FANCI: variants seen among roughly 807,000 people sequenced by gnomAD.
FANCI encodes FA complementation group I.
A neutral mutation model predicts 176.1 loss-of-function variants in FANCI; 156 were observed. The ratio of observed to expected loss-of-function variants is 0.89; its 90% confidence interval spans 0.78 to 1.01. The LOEUF (loss-of-function observed/expected upper bound fraction) is 1.01. Among genes scored for constraint, FANCI ranks in the 50% least tolerant of loss-of-function variants. FANCI has a pLI of 0.00. For synonymous variants in FANCI, 613 were observed against 541.7 expected, an observed-to-expected ratio of 1.13 and a Z score of -1.83; for missense variants, 1,678 against 1,534.1, an observed-to-expected ratio of 1.09 and a Z score of -1.57.
Position 89,313,926 on chromosome 15 carries a change from C to CACACACACACACAT in FANCI, c.3721-686_3721-685insACACACACACACAT, listed in dbSNP as rs1364757336. The stretch of plus-strand genomic sequence containing the variant: ...ACACACACACACACACACACACACA[C>CACACACACACACAT]GTAGGACCTACAAATTACAATTCAC... On this transcript the variant is annotated intron_variant, in intron 35 of 37. Transcript: ENST00000310775. Among the ~76,000 whole-genome samples, 19 of 146,634 alleles carry CACACACACACACAT rather than the reference C, an allele frequency of 1.3e-4. No individual in the cohort carries two copies. The East Asian group carries it at 3.2e-3, about 25-fold the overall frequency.
At chr15:89,297,949 A>G (rs187853323) in intron 24 of FANCI, among the ~76,000 whole-genome samples, 11 of 152,104 alleles carry the variant, frequency 7.2e-5, no homozygotes, top group Admixed American at 1.3e-4. Flanking sequence ...ATTATTGGGG[A>G]AAAAAAGAGG....
At chr15:89,284,449 T>C (rs1215777890) in intron 17 of FANCI, among the ~76,000 whole-genome samples, 2 of 152,194 alleles carry the variant, frequency 1.3e-5, no homozygotes, top group South Asian at 2.1e-4. Flanking sequence ...ACACTAGATA[T>C]CATTTGTGTG....
At chr15:89,272,421 C>T (rs1043078666) in intron 10 of FANCI, among the ~76,000 whole-genome samples, 2 of 152,028 alleles carry the variant, frequency 1.3e-5, no homozygotes, top group Non-Finnish European at 2.9e-5. Flanking sequence ...TATTTTTTCT[C>T]AGTCTGTGAC....
intron 19 of FANCI, 129 bp downstream of exon 19, chr15:89,290,410 T>C: frequency 1.3e-6 from 1 of 755,504 alleles, no homozygotes; most frequent in Non-Finnish European, 2.3e-6. Flanking sequence ...GAACATGCTG[T>C]GGGTATGTTA....
chr15:89,257,709 A>G (rs1221814176), intron 2 of FANCI, among the ~76,000 whole-genome samples: 1 of 152,170 alleles, frequency 6.6e-6, no homozygotes, highest in South Asian at 2.1e-4. Flanking sequence ...ACTGGGGGTT[A>G]GAGCTTCAAC....
intron 2 of FANCI, among the ~76,000 whole-genome samples, chr15:89,258,206 C>G (rs1319636826): frequency 6.6e-6 from 1 of 152,116 alleles, no homozygotes; most frequent in East Asian, 1.9e-4. Context: ...TTCTTGTCCG[C>G]CAGGTCTCTA....
rs2054483134 is a variant in FANCI at position 89,300,376 on chromosome 15, G to A, written c.2880G>A (p.Arg960=). Residue 960 remains arginine, a synonymous_variant, in exon 26 of 38, where the codon CGG becomes CGA. Coordinates refer to ENST00000310775, the MANE Select transcript of FANCI (RefSeq NM_001113378.2). ...SVTQRTAFQI[R]QFQRSLLNLL... ...CTCAGAGAACAGCATTCCAGATCCG[G>A]CAATTTCAGGTGAGAAGCCTTGCAA... 4 of 1,613,732 alleles carry A rather than the reference G, an allele frequency of 2.5e-6. No individual in the cohort carries two copies. The highest frequency in any genetic ancestry group is 1.7e-4 in the Middle Eastern group (1 of 6,058).
At chr15:89,274,635 C>G (rs1192011776) in intron 12 of FANCI, among the ~76,000 whole-genome samples, 1 of 107,704 alleles carries the variant, frequency 9.3e-6, no homozygotes, top group Non-Finnish European at 1.7e-5. Flanking sequence ...GACAGAGTCT[C>G]ACTCTGTCAC....
intron 34 of FANCI, among the ~76,000 whole-genome samples, 160 bp from the exon 35 acceptor site, chr15:89,312,744 G>A (rs925018063): frequency 2.6e-5 from 4 of 151,800 alleles, no homozygotes; most frequent in South Asian, 2.1e-4. Context: ...CACTTAACTC[G>A]GGGCGCAGAG....
chr15:89,271,848 C>G (rs1392864447), intron 10 of FANCI, among the ~76,000 whole-genome samples: 1 of 152,186 alleles, frequency 6.6e-6, no homozygotes, highest in Non-Finnish European at 1.5e-5. Flanking sequence ...GTTTAGCAGT[C>G]TCCCAGCTGG....
chr15:89,273,510 GTAAAAA>G lies in FANCI; in HGVS notation c.975+42_975+47del. ...GCCATTTTGTTTCTTTCTGTAGTTG[GTAAAAA>G]AAAAAAAAAAAAAAAAAAATCACAG... is the stretch of plus-strand genomic sequence containing the variant. On this transcript the variant is annotated intron_variant, in intron 11 of 37. Transcript: ENST00000310775. The G allele has an allele frequency of 1.5e-5, 10 of 660,448 alleles. No homozygotes were observed. The African/African-American group carries it at 2.2e-4, about 15-fold the overall frequency. 40.9% of individuals were successfully genotyped at this position (660,448 alleles called of 1,614,324 possible).
intron 18 of FANCI, among the ~76,000 whole-genome samples, chr15:89,285,815 C>G (rs573943934): frequency 6.6e-6 from 1 of 152,086 alleles, no homozygotes; most frequent in South Asian, 2.1e-4. Context: ...CCTATAGTTT[C>G]AAATTTGTGT....
At chr15:89,266,707 C>T (rs973106837) in intron 9 of FANCI, among the ~76,000 whole-genome samples, 19 of 150,736 alleles carry the variant, frequency 1.3e-4, no homozygotes, top group African/African-American at 4.6e-4. Context: ...CTCCTAGCTT[C>T]AGGCGATCTC....
chr15:89,290,722 C>A (rs2054029848), intron 19 of FANCI: 1 of 178,238 alleles, frequency 5.6e-6, no homozygotes, highest in African/African-American at 2.4e-5. Flanking sequence ...AGATTAAATT[C>A]TTCTAATCTT....
intron 3 of FANCI, among the ~76,000 whole-genome samples, chr15:89,259,512 C>T (rs926214246): frequency 3.9e-5 from 6 of 152,132 alleles, no homozygotes; most frequent in Non-Finnish European, 8.8e-5. Flanking sequence ...CAACTGCCTA[C>T]GTACACTACT....
At chr15:89,261,938 T>G in intron 6 of FANCI, 60 bp downstream of exon 6, 10 of 1,491,602 alleles carry the variant, frequency 6.7e-6, no homozygotes, top group Non-Finnish European at 8.3e-6. Flanking sequence ...AAAAAACCAC[T>G]TTATTTCAGG....
intron 12 of FANCI, among the ~76,000 whole-genome samples, chr15:89,275,103 T>TTC (rs1207038087): frequency 2.7e-5 from 4 of 149,256 alleles, no homozygotes; most frequent in Admixed American, 1.3e-4. Flanking sequence ...TTTTTTTTTT[T>TTC]CTGAAGACGT....
rs150231327 is a variant in FANCI, at chr15:89,291,661, T to C, written c.1939T>C (p.Leu647=). The change falls in exon 20 of 38, where the codon TTA becomes CTA. Residue 647 remains leucine (L), a synonymous_variant. Coordinates refer to ENST00000310775, the MANE Select transcript of FANCI (RefSeq NM_001113378.2). ...PKPDLLPPLK[L]EACILTQGDK... is the part of the protein sequence containing the mutation. ...ACCTGATCTGCTGCCTCCTCTGAAA[T>C]TAGAAGCTTGTATTCTGACCCAAGG... The C allele has an allele frequency of 2.5e-4, 409 of 1,613,758 alleles. 1 individual carries two copies. The highest frequency in any genetic ancestry group is 3.3e-4 in the Non-Finnish European group (387 of 1,179,860).
At chr15:89,255,801 T>C (rs2052468711) in intron 2 of FANCI, among the ~76,000 whole-genome samples, 1 of 152,282 alleles carries the variant, frequency 6.6e-6, no homozygotes, top group Non-Finnish European at 1.5e-5. Context: ...GTAAAAAGCA[T>C]AACTGAACAT....
Sources: gnomAD v4.1 joint callset for allele counts (sites outside exome capture counted in the v4.1 genomes callset) on GRCh38, gnomAD v4.1.1 for gene constraint, MANE v1.5 for transcripts, NCBI Gene and HGNC (gene_info 2026-07-23, HGNC 2026-07-21) for gene names.